Variants in CUX2 observed in about 807,000 individuals in gnomAD.
CUX2 encodes cut like homeobox 2.
A neutral mutation model predicts 144.8 loss-of-function variants in CUX2; 40 were observed. The observed-to-expected ratio is 0.28, with a 90% CI of 0.21 to 0.36. The LOEUF is 0.36. Among genes scored for constraint, CUX2 ranks in the 10% least tolerant of loss-of-function variants. The pLI, the probability that CUX2 is intolerant of heterozygous loss-of-function variation, is 1.00. For missense variants in CUX2, 1,615 were observed against 1,994.0 expected (o/e 0.81, Z 3.62); for synonymous variants, 827 against 875.6 (o/e 0.94, Z 0.98).
intron 18 of CUX2, among the ~76,000 whole-genome samples, chr12:111,330,340 T>G (rs921422019): frequency 6.6e-6 from 1 of 152,120 alleles, no homozygotes; most frequent in Non-Finnish European, 1.5e-5. Flanking sequence ...CTTGTAGTCC[T>G]TGCCTTCAAG....
In CUX2 at chr12:111,348,422, A is replaced by G; in HGVS notation, c.*97A>G. ...ATGGGGTAAGGGAGGGAGGAACTCAACCATCAAAATGTGGACAGCAATGTT... is the reference window on the plus strand; with the variant it reads ...ATGGGGTAAGGGAGGGAGGAACTCAGCCATCAAAATGTGGACAGCAATGTT... On this transcript the variant is annotated 3_prime_UTR_variant, in exon 22 of 22. Coordinates refer to ENST00000261726, the MANE Select transcript of CUX2 (RefSeq NM_015267.4). The G allele has an allele frequency of 3.4e-6, 4 of 1,164,582 alleles. No homozygotes were observed. Among genetic ancestry groups the G allele is most frequent in the Non-Finnish European group, 4.9e-6 (4 of 822,880 alleles). The allele number at this position is 1,164,582 out of a possible 1,614,324, so 72.1% of individuals were successfully genotyped here. A position where few individuals can be genotyped will look rare whatever the true frequency, so the allele number is the denominator to read the frequency against.
In CUX2 at chr12:111,310,873, G is replaced by A. The variant is rs571429182; in HGVS notation, c.1900+191G>A. The stretch of plus-strand genomic sequence containing the variant: ...CTGTAAAAGCAGGAAATACATCCTC[G>A]CTCTCTCCTTCCTGGCCCTGGCCAG... On this transcript the variant is annotated intron_variant, in intron 15 of 21. Transcript: ENST00000261726. The surrounding 1 kb of genome is among the most constrained non-coding windows in gnomAD (Gnocchi z 7.9). Among the ~76,000 whole-genome samples, 6 of 152,332 alleles carry A rather than the reference G, an allele frequency of 3.9e-5. No individual in the cohort carries two copies. The South Asian group carries it at 1.2e-3, about 32-fold the overall frequency.
chr12:111,084,348 CCT>C (rs1474303220), intron 1 of CUX2, among the ~76,000 whole-genome samples: 1 of 152,152 alleles, frequency 6.6e-6, no homozygotes, highest in Non-Finnish European at 1.5e-5. Flanking sequence ...CCAGATGTCC[CCT>C]GTCCCCTGCT....
intron 1 of CUX2, among the ~76,000 whole-genome samples, chr12:111,134,289 G>A (rs12322181): frequency 0.13 from 19,771 of 152,220 alleles, 4,314 homozygotes; most frequent in African/African-American, 0.45. Flanking sequence ...GCCTTAAAAA[G>A]AGAAAGTATT....
intron 3 of CUX2, among the ~76,000 whole-genome samples, chr12:111,259,030 G>GGTGTGT (rs1177308327): frequency 2.7e-5 from 3 of 110,526 alleles, no homozygotes; most frequent in Non-Finnish European, 5.6e-5. Context: ...ACCACACCCA[G>GGTGTGT]CTGTGTGTGT....
intron 3 of CUX2, among the ~76,000 whole-genome samples, chr12:111,238,449 T>C (rs1882867917): frequency 6.6e-6 from 1 of 152,222 alleles, no homozygotes; most frequent in Non-Finnish European, 1.5e-5. Context: ...TTCATTATCC[T>C]CCATGACTCC....
At chr12:111,256,980 CA>C (rs1883849408) in intron 3 of CUX2, among the ~76,000 whole-genome samples, 4 of 152,250 alleles carry the variant, frequency 2.6e-5, no homozygotes, top group Non-Finnish European at 5.9e-5. Flanking sequence ...TGTTTTTAAC[CA>C]CCTGGCTGAA....
intron 1 of CUX2, among the ~76,000 whole-genome samples, chr12:111,145,274 A>G (rs750420694): frequency 6.6e-5 from 10 of 152,154 alleles, no homozygotes; most frequent in Non-Finnish European, 1.3e-4. Flanking sequence ...GGGTGAGCCC[A>G]TGGCCCTAGC....
chr12:111,104,947 TA>T (rs1436833703), intron 1 of CUX2, among the ~76,000 whole-genome samples: 1 of 152,096 alleles, frequency 6.6e-6, no homozygotes, highest in Non-Finnish European at 1.5e-5. Context: ...GTGGCTCCCA[TA>T]TTGGATGAAT....
In CUX2 at chr12:111,276,862, A is replaced by C. The variant is rs558075328; in HGVS notation, c.301+13023A>C. Among the ~76,000 whole-genome samples the C allele has an allele frequency of 2.0e-5, 3 of 152,256 alleles. No homozygotes were observed. In the South Asian group the frequency reaches 6.2e-4, roughly 32 times the overall value. On this transcript the variant is annotated intron_variant, in intron 4 of 21. Transcript: ENST00000261726. Reference sequence around the variant, plus strand: ...GGGGTGTCACCATATTGGCTAGGCTAGTCTCGAACTCCTAGACCTCGTGAT... The same window carrying C: ...GGGGTGTCACCATATTGGCTAGGCTCGTCTCGAACTCCTAGACCTCGTGAT...
At chr12:111,150,575 A>AGGCAGTTAG (rs1327385202) in intron 1 of CUX2, among the ~76,000 whole-genome samples, 3 of 152,324 alleles carry the variant, frequency 2.0e-5, no homozygotes, top group African/African-American at 7.2e-5. Flanking sequence ...GTGGACAGGA[A>AGGCAGTTAG]GGCAGTTAGG....
At chr12:111,169,816 A>G (rs981433581) in intron 1 of CUX2, among the ~76,000 whole-genome samples, 3 of 152,182 alleles carry the variant, frequency 2.0e-5, no homozygotes, top group South Asian at 2.1e-4. Context: ...TATTGGGACA[A>G]TTATTAGAGT....
intron 1 of CUX2, among the ~76,000 whole-genome samples, chr12:111,060,860 C>T (rs1411463360): frequency 6.6e-6 from 1 of 152,204 alleles, no homozygotes; most frequent in Admixed American, 6.5e-5. Context: ...GAAACGGAAG[C>T]CTTAGCCCCC....
intron 3 of CUX2, among the ~76,000 whole-genome samples, chr12:111,258,479 C>T (rs1041307633): frequency 5.4e-5 from 8 of 148,912 alleles, no homozygotes; most frequent in African/African-American, 1.7e-4. Context: ...CGCCACTGCA[C>T]TCCAACCTGG....
intron 10 of CUX2, 90 bp from the exon 11 acceptor site, chr12:111,306,831 C>G: frequency 9.2e-7 from 1 of 1,087,438 alleles, no homozygotes; most frequent in South Asian, 1.6e-5. Context: ...AACAAATTTG[C>G]ATTCTGCTTG....
At chr12:111,206,012 T>A (rs1429633759) in intron 1 of CUX2, among the ~76,000 whole-genome samples, 1 of 152,198 alleles carries the variant, frequency 6.6e-6, no homozygotes, top group Non-Finnish European at 1.5e-5. Flanking sequence ...TAGTGATACA[T>A]GTTAAGGAGA....
intron 4 of CUX2, among the ~76,000 whole-genome samples, chr12:111,284,323 C>T (rs757434700): frequency 2.6e-5 from 4 of 152,166 alleles, no homozygotes; most frequent in Non-Finnish European, 5.9e-5. Context: ...AGGCCAGCAG[C>T]AGGACCGAGG....
intron 1 of CUX2, among the ~76,000 whole-genome samples, chr12:111,208,579 T>TTAA (rs1297159562): frequency 1.3e-5 from 2 of 152,190 alleles, no homozygotes; most frequent in African/African-American, 4.8e-5. Context: ...ATGTGTGATG[T>TTAA]GGGTGGGTAA....
chr12:111,149,492 T>C (rs916427512), intron 1 of CUX2, among the ~76,000 whole-genome samples: 7 of 152,132 alleles, frequency 4.6e-5, no homozygotes, highest in Middle Eastern at 3.2e-3. Flanking sequence ...CCCCACTAGA[T>C]GCCAGTAGCA....
Sources: allele counts gnomAD v4.1 joint callset (sites outside exome capture counted in the v4.1 genomes callset), GRCh38; gene constraint gnomAD v4.1.1; non-coding constraint Gnocchi (gnomAD v3.1); transcripts MANE v1.5; gene names NCBI Gene and HGNC (gene_info 2026-07-23, HGNC 2026-07-21).